Variants in B4GALT7 observed in about 807,000 individuals in gnomAD.
B4GALT7 encodes the protein UDP-Gal:beta-GlcNAc beta-1,4-galactosyltransferase 7.
B4GALT7 carries 30 observed loss-of-function variants against 33.0 expected under a neutral mutation model. The ratio of observed to expected loss-of-function variants is 0.91; its 90% CI spans 0.68 to 1.23. The LOEUF (loss-of-function observed/expected upper bound fraction) is 1.23, where lower values mean the gene tolerates loss of function less well. Ranked by LOEUF, B4GALT7 falls within the 50% of genes most tolerant of loss-of-function variation. B4GALT7 has a pLI of 0.00. For synonymous variants in B4GALT7, 213 were observed against 187.2 expected, an observed-to-expected ratio of 1.14 and a Z score of -1.13; for missense variants, 507 against 450.8, an observed-to-expected ratio of 1.12 and a Z score of -1.13.
In B4GALT7 at chr5:177,608,637, GC is replaced by G. The variant is rs763776337; in HGVS notation, c.723+19del. Reference sequence around the variant, plus strand: ...CTGGGCTCCAGGTGAGATTCCCCGGGCCCCGCCGCCACCTCAGCTGCGGTGG... The same window carrying G: ...CTGGGCTCCAGGTGAGATTCCCCGGGCCCGCCGCCACCTCAGCTGCGGTGG... On this transcript the variant is annotated intron_variant, in intron 4 of 5. Coordinates refer to ENST00000029410, the MANE Select transcript of B4GALT7 (RefSeq NM_007255.3). The surrounding 1 kb of genome is among the most constrained non-coding windows in gnomAD (Gnocchi z 4.1). The G allele has an allele frequency of 1.7e-5, 28 of 1,610,456 alleles. No individual in the cohort carries two copies. The highest frequency in any genetic ancestry group is 1.1e-4 in the East Asian group (5 of 44,876).
rs572524070 is a variant in B4GALT7, at chr5:177,601,200, A to G, written c.50+940A>G. ...GGTGTTGAAAGGGGAAAACAGGAAT[A>G]TAATAGAAAGCGTGGACTAGCGTTC... is the stretch of plus-strand genomic sequence containing the variant. On this transcript the variant is annotated intron_variant, in intron 1 of 5. Transcript: ENST00000029410. 2.8e-4 allele frequency among the ~76,000 whole-genome samples: 43 copies of G among 152,048 alleles called. 1 individual carries two copies. Among genetic ancestry groups the G allele is most frequent in the Admixed American group, 2.0e-3 (30 of 15,290 alleles).
Position 177,609,601 on chromosome 5 carries a change from G to A in B4GALT7, c.890G>A (p.Arg297His), listed in dbSNP as rs374994284. 78 of 1,613,824 alleles carry A rather than the reference G, an allele frequency of 4.8e-5. No individual in the cohort carries two copies. Among genetic ancestry groups the A allele is most frequent in the Middle Eastern group, 1.7e-4 (1 of 5,938 alleles). The change falls in exon 6 of 6, where the codon CGC becomes CAC. Residue 297 changes from arginine to histidine, a missense_variant. Arg to His is a conservative substitution (Grantham distance 29). Coordinates refer to ENST00000029410, the MANE Select transcript of B4GALT7 (RefSeq NM_007255.3). The part of the protein sequence containing the change: ...LNTVKYHVAS[R>H]TALSVGGAPC... Reference sequence around the variant, plus strand: ...ACTGTGAAGTACCATGTGGCTTCCCGCACTGCCCTGTCTGTGGGCGGGGCC... The same window carrying A: ...ACTGTGAAGTACCATGTGGCTTCCCACACTGCCCTGTCTGTGGGCGGGGCC...
intron 1 of B4GALT7, chr5:177,603,502 T>C: frequency 2.6e-6 from 1 of 389,734 alleles, no homozygotes; most frequent in Non-Finnish European, 3.5e-6. Flanking sequence ...TCTTTCCCTC[T>C]CCATCTCCCA....
chr5:177,600,229 A>G lies in B4GALT7; in HGVS notation c.19A>G (p.Lys7Glu). 1.4e-6 allele frequency: 2 copies of G among 1,394,632 alleles called. No homozygotes were observed. Among genetic ancestry groups the G allele is most frequent in the Non-Finnish European group, 1.9e-6 (2 of 1,068,028 alleles). The allele number at this position is 1,394,632 out of a possible 1,614,324, so 86.4% of individuals were successfully genotyped here. Residue 7 changes from lysine (K) to glutamate (E), a missense_variant, in exon 1 of 6, where the codon AAA (lysine) becomes GAA (glutamate). Transcript: ENST00000029410. This position sits in a 1 kb window ranked among gnomAD's most constrained non-coding sequence, Gnocchi z 4.4. MFPSRR[K>E]AAQLPWEDGR... ...CCGCACGATGTTCCCCTCGCGGAGG[A>G]AAGCGGCGCAGCTGCCCTGGGAGGA... is the stretch of plus-strand genomic sequence containing the variant.
In B4GALT7 at chr5:177,603,000, A is replaced by T. The variant is rs1378037614; in HGVS notation, c.51-1179A>T. On this transcript the variant is annotated intron_variant, in intron 1 of 5. Transcript: ENST00000029410. The stretch of plus-strand genomic sequence containing the variant: ...CAGATTCAAGCTATGCTTCTGCCTC[A>T]GCCTCCCAAGTAGCTGGGACTATAG... 4 of 402,236 alleles carry T rather than the reference A, an allele frequency of 9.9e-6. 1 individual carries two copies. The highest frequency in any genetic ancestry group is 2.6e-3 in the Middle Eastern group (2 of 784). 24.9% of individuals were successfully genotyped at this position (402,236 alleles called of 1,614,324 possible). A position where few individuals can be genotyped will look rare whatever the true frequency, so the allele number is the denominator to read the frequency against.
chr5:177,601,912 T>C (rs1767860078), intron 1 of B4GALT7, among the ~76,000 whole-genome samples: 1 of 152,110 alleles, frequency 6.6e-6, no homozygotes, highest in African/African-American at 2.4e-5. Context: ...ATGATGCCCA[T>C]GGGGATGTGG....
At chr5:177,609,395 G>C in intron 5 of B4GALT7, 145 bp from the exon 6 acceptor site, 1 of 1,083,394 alleles carries the variant, frequency 9.2e-7, no homozygotes, top group Non-Finnish European at 1.4e-6. Flanking sequence ...ACAGCCCTGG[G>C]CAAGAGGCTT....
chr5:177,610,003 TG>T lies in B4GALT7; in HGVS notation c.*312del, dbSNP rs1263434313. The T allele has an allele frequency of 1.6e-5, 7 of 445,840 alleles. No individual in the cohort carries two copies. In the East Asian group the frequency reaches 3.2e-4, roughly 20 times the overall value. The allele number at this position is 445,840 out of a possible 1,614,324, so 27.6% of individuals were successfully genotyped here. On this transcript the variant is annotated 3_prime_UTR_variant, in exon 6 of 6. Coordinates refer to ENST00000029410, the MANE Select transcript of B4GALT7 (RefSeq NM_007255.3). ...TTCACGTGCCCAGGCCTGTGGGTAG[TG>T]GGGAGGGCTGAACAGGACAACCTCT... is the stretch of plus-strand genomic sequence containing the variant.
chr5:177,604,547 G>C lies in B4GALT7; in HGVS notation c.413+6G>C. 1 of 1,613,554 alleles carries C rather than the reference G, an allele frequency of 6.2e-7. No individual in the cohort carries two copies. Among genetic ancestry groups the C allele is most frequent in the South Asian group, 1.1e-5 (1 of 91,084 alleles). ...AACCAGGTGGACCACTTCAGGTAGC[G>C]CCCGCCCCCACCCTCTCCCCTCGGC... On this transcript the variant is annotated splice_donor_region_variant and intron_variant, in intron 2 of 5. Transcript: ENST00000029410.
In B4GALT7 at chr5:177,600,318, C is replaced by T; in HGVS notation, c.50+58C>T. The T allele has an allele frequency of 1.6e-6, 2 of 1,266,064 alleles. No homozygotes were observed. Among genetic ancestry groups the T allele is most frequent in the South Asian group, 2.3e-5 (1 of 44,120 alleles). 78.4% of individuals were successfully genotyped at this position (1,266,064 alleles called of 1,614,324 possible). On this transcript the variant is annotated intron_variant, in intron 1 of 5. Transcript: ENST00000029410. The surrounding 1 kb of genome is among the most constrained non-coding windows in gnomAD (Gnocchi z 4.4). ...TCCCGGGCGCCGCTCCCTTCTCGGC[C>T]GCCGGCGGAATCTGGGAACCCGAGG...
At chr5:177,604,951 T>C in intron 2 of B4GALT7, 2 of 460,248 alleles carry the variant, frequency 4.3e-6, no homozygotes. Flanking sequence ...CAGTCTGGCG[T>C]TATCCTAAAA....
Position 177,608,057 on chromosome 5 carries a change from G to C in B4GALT7, c.640-482G>C, listed in dbSNP as rs968406. The C allele has an allele frequency of 0.88, 195,871 of 223,556 alleles. 86,364 individuals are homozygous for C. Among genetic ancestry groups the C allele is most frequent in the East Asian group, 0.96 (8,466 of 8,794 alleles). The allele number at this position is 223,556 out of a possible 1,614,324, so 13.8% of individuals were successfully genotyped here. A position where few individuals can be genotyped will look rare whatever the true frequency, so the allele number is the denominator to read the frequency against. ...CTGGTGGACGGGCAGGCAGGAAGAAGCACTTGTGGCTCAGGCCTGGGTGTC... is the reference window on the plus strand; with the variant it reads ...CTGGTGGACGGGCAGGCAGGAAGAACCACTTGTGGCTCAGGCCTGGGTGTC... On this transcript the variant is annotated intron_variant, in intron 3 of 5. Coordinates refer to ENST00000029410, the MANE Select transcript of B4GALT7 (RefSeq NM_007255.3). This position sits in a 1 kb window ranked among gnomAD's most constrained non-coding sequence, Gnocchi z 4.1.
At chr5:177,604,067 T>G in intron 1 of B4GALT7, 112 bp from the exon 2 acceptor site, 3 of 1,467,046 alleles carry the variant, frequency 2.0e-6, no homozygotes, top group Non-Finnish European at 2.8e-6. Flanking sequence ...AATTCCCAGG[T>G]GCTTGGGGTA....
intron 5 of B4GALT7, 110 bp from the exon 6 acceptor site, chr5:177,609,430 C>A: frequency 1.4e-6 from 2 of 1,388,522 alleles, no homozygotes; most frequent in Non-Finnish European, 2.0e-6. Context: ...CTGGGTTCTT[C>A]CTCTCCAGTG....
At chr5:177,609,280 C>A (rs1458110104) in intron 5 of B4GALT7, among the ~76,000 whole-genome samples, 1 of 152,152 alleles carries the variant, frequency 6.6e-6, no homozygotes, top group African/African-American at 2.4e-5. Flanking sequence ...GTGCCAGAAT[C>A]CCAGCCACAC....
chr5:177,607,189 T>G, intron 2 of B4GALT7, 113 bp from the exon 3 acceptor site: 1 of 861,518 alleles, frequency 1.2e-6, no homozygotes, highest in Non-Finnish European at 1.9e-6. Flanking sequence ...CTGAGTGAAG[T>G]CAGTGCTGGG....
rs1768056390 is a variant in B4GALT7, at chr5:177,607,697, G to A, written c.639+170G>A. On this transcript the variant is annotated intron_variant, in intron 3 of 5. Transcript: ENST00000029410. ...CGAAGAGCAGGCGAGCCAGTCAGCCGCAGCAGCAGAACTGCTTGCACGGGG... is the reference window on the plus strand; with the variant it reads ...CGAAGAGCAGGCGAGCCAGTCAGCCACAGCAGCAGAACTGCTTGCACGGGG... The A allele has an allele frequency of 1.6e-5, 11 of 676,746 alleles. No individual in the cohort carries two copies. The South Asian group carries it at 1.8e-4, about 11-fold the overall frequency. The allele number at this position is 676,746 out of a possible 1,614,324, so 41.9% of individuals were successfully genotyped here.
intron 1 of B4GALT7, chr5:177,603,499 C>A: frequency 2.5e-6 from 1 of 400,932 alleles, no homozygotes; most frequent in Non-Finnish European, 3.4e-6. Context: ...CTTTCTTTCC[C>A]TCTCCATCTC....
chr5:177,607,178 G>A, intron 2 of B4GALT7, 124 bp from the exon 3 acceptor site: 1 of 798,518 alleles, frequency 1.3e-6, no homozygotes, highest in Non-Finnish European at 2.1e-6. Flanking sequence ...TGCCCCACAG[G>A]CTGAGTGAAG....
Sources: allele counts gnomAD v4.1 joint callset (sites outside exome capture counted in the v4.1 genomes callset), GRCh38; gene constraint gnomAD v4.1.1; non-coding constraint Gnocchi (gnomAD v3.1); transcripts MANE v1.5; gene names NCBI Gene and HGNC (gene_info 2026-07-23, HGNC 2026-07-21).